Variants in LTBP1 observed in about 807,000 individuals in gnomAD.
The protein encoded by LTBP1 is latent-transforming growth factor beta-binding protein 1.
A neutral mutation model predicts 207.6 loss-of-function variants in LTBP1; 129 were observed. The ratio of observed to expected loss-of-function variants is 0.62; its 90% CI spans 0.54 to 0.72. LTBP1 has a LOEUF of 0.72. LTBP1 is among the 30% of genes least tolerant of loss of function. LTBP1 has a pLI of 0.00. For missense variants in LTBP1, 2,281 were observed against 2,217.2 expected, an observed-to-expected ratio of 1.03 and a Z score of -0.58; for synonymous variants, 963 against 833.7, an observed-to-expected ratio of 1.16 and a Z score of -2.67.
chr2:33,223,448 A>C (rs1475902232), intron 9 of LTBP1, among the ~76,000 whole-genome samples: 1 of 152,182 alleles, frequency 6.6e-6, no homozygotes, highest in Non-Finnish European at 1.5e-5. Flanking sequence ...CACCCATGAC[A>C]CATTTTGAGA....
Position 33,275,052 on chromosome 2 carries a change from C to A in LTBP1, c.2831C>A (p.Ala944Glu). The A allele has an allele frequency of 1.2e-6, 2 of 1,614,110 alleles. No homozygotes were observed. Among genetic ancestry groups the A allele is most frequent in the Admixed American group, 1.7e-5 (1 of 60,018 alleles). The change falls in exon 17 of 34, where the codon GCA (alanine) becomes GAA (glutamate). Residue 944 changes from alanine to glutamate, a missense_variant. By Grantham distance (107) the Ala-to-Glu change is moderately radical. Around this residue, in one of 3 missense-constraint regions of LTBP1, gnomAD observed 1,671 missense variants for 1,634.8 expected, o/e 1.02. Coordinates refer to ENST00000404816, the MANE Select transcript of LTBP1 (RefSeq NM_206943.4). ...TEGSFLCICP[A>E]GFMASEEGTN... ...GGAAGTTTCTTGTGCATTTGCCCAGCAGGATTTATGGCCAGTGAGGAGGGT... is the reference window on the plus strand; with the variant it reads ...GGAAGTTTCTTGTGCATTTGCCCAGAAGGATTTATGGCCAGTGAGGAGGGT...
chr2:33,080,411 A>G (rs1197794423), intron 3 of LTBP1, among the ~76,000 whole-genome samples: 1 of 152,050 alleles, frequency 6.6e-6, no homozygotes, highest in Non-Finnish European at 1.5e-5. Context: ...TAAATCTTCT[A>G]TGTCTTTATC....
At chr2:33,323,646 A>G (rs2094387803) in intron 24 of LTBP1, among the ~76,000 whole-genome samples, 1 of 151,804 alleles carries the variant, frequency 6.6e-6, no homozygotes, top group Non-Finnish European at 1.5e-5. Context: ...ACAAACAAAC[A>G]AAAAATCATA....
chr2:33,302,487 T>C (rs2094004237), intron 22 of LTBP1, among the ~76,000 whole-genome samples: 1 of 152,182 alleles, frequency 6.6e-6, no homozygotes, highest in Non-Finnish European at 1.5e-5. Context: ...CAGATCCTTT[T>C]TCACTACCAG....
chr2:33,187,890 CAG>C (rs942907103), intron 6 of LTBP1, among the ~76,000 whole-genome samples: 10 of 152,004 alleles, frequency 6.6e-5, no homozygotes, highest in African/African-American at 2.2e-4. Context: ...ATTTTTATGA[CAG>C]AAATTTTATG....
intron 15 of LTBP1, among the ~76,000 whole-genome samples, chr2:33,269,263 GC>G: frequency 6.6e-6 from 1 of 152,100 alleles, no homozygotes. Context: ...TCTACCATTG[GC>G]CTTGTTGCTG....
At chr2:33,302,950 TAC>T (rs70938396) in intron 22 of LTBP1, among the ~76,000 whole-genome samples, 30,715 of 144,432 alleles carry the variant, frequency 0.21, 3,285 homozygotes, top group Non-Finnish European at 0.24. Flanking sequence ...CTAATATTTT[TAC>T]ACACACACAC....
chr2:33,095,969 A>T (rs1193966988), intron 3 of LTBP1, among the ~76,000 whole-genome samples: 1 of 152,130 alleles, frequency 6.6e-6, no homozygotes, highest in African/African-American at 2.4e-5. Context: ...ATGTTTAAAG[A>T]GATAGTATTA....
chr2:33,070,794 A>G (rs946254309), intron 3 of LTBP1, among the ~76,000 whole-genome samples: 5 of 152,210 alleles, frequency 3.3e-5, no homozygotes, highest in Non-Finnish European at 7.3e-5. Context: ...AGGAGACCCC[A>G]GTAGAGAAGG....
At chr2:33,332,154 A>G (rs1489812687) in intron 24 of LTBP1, among the ~76,000 whole-genome samples, 1 of 152,102 alleles carries the variant, frequency 6.6e-6, no homozygotes, top group Non-Finnish European at 1.5e-5. Context: ...GGTGGAATAT[A>G]TATTTATACA....
At chr2:33,336,203 G>A (rs1453851296) in intron 24 of LTBP1, among the ~76,000 whole-genome samples, 1 of 152,220 alleles carries the variant, frequency 6.6e-6, no homozygotes, top group Non-Finnish European at 1.5e-5. Flanking sequence ...GTAACAGATG[G>A]TGTGTTCTGA....
chr2:33,004,053 C>T (rs964331498), intron 2 of LTBP1, among the ~76,000 whole-genome samples: 1 of 152,034 alleles, frequency 6.6e-6, no homozygotes, highest in Non-Finnish European at 1.5e-5. Context: ...TCCCTGAATA[C>T]ACTCACATGG....
At chr2:33,148,021 C>G (rs978774284) in intron 5 of LTBP1, among the ~76,000 whole-genome samples, 2 of 152,198 alleles carry the variant, frequency 1.3e-5, no homozygotes, top group Non-Finnish European at 1.5e-5. Context: ...AATCCCATAA[C>G]AGGAGTTCAA....
intron 3 of LTBP1, among the ~76,000 whole-genome samples, chr2:33,106,542 A>G (rs1283622967): frequency 6.6e-6 from 1 of 152,230 alleles, no homozygotes; most frequent in East Asian, 1.9e-4. Context: ...TTTTTTATAC[A>G]TCTCATTCAG....
intron 2 of LTBP1, among the ~76,000 whole-genome samples, chr2:32,957,735 G>A (rs1678321091): frequency 1.3e-5 from 2 of 152,170 alleles, no homozygotes; most frequent in South Asian, 4.2e-4. Context: ...TGCATGCAAG[G>A]TTGTTACAAA....
At chr2:33,158,163 AAAGAGAGAG>A (rs1309473317) in intron 5 of LTBP1, among the ~76,000 whole-genome samples, 1 of 141,486 alleles carries the variant, frequency 7.1e-6, no homozygotes, top group Non-Finnish European at 1.6e-5. Context: ...AAAAAAAAAA[AAAGAGAGAG>A]AGAGAGAATA....
At chr2:33,220,748 A>G (rs942863191) in intron 8 of LTBP1, among the ~76,000 whole-genome samples, 1 of 152,234 alleles carries the variant, frequency 6.6e-6, no homozygotes, top group South Asian at 2.1e-4. Flanking sequence ...TCTATGGGAC[A>G]AGACAGACCT....
intron 26 of LTBP1, among the ~76,000 whole-genome samples, chr2:33,349,726 T>G (rs1014284755): frequency 1.8e-4 from 28 of 152,352 alleles, no homozygotes; most frequent in African/African-American, 6.3e-4. Flanking sequence ...CTTTATCTAA[T>G]CTTTCTAAAG....
At chr2:33,212,423 A>G (rs564743958) in intron 7 of LTBP1, among the ~76,000 whole-genome samples, 1 of 152,334 alleles carries the variant, frequency 6.6e-6, no homozygotes, top group African/African-American at 2.4e-5. Context: ...CAGTCCTATT[A>G]TAGATGTGAG....
Sources: gnomAD v4.1 joint callset for allele counts (sites outside exome capture counted in the v4.1 genomes callset) on GRCh38, gnomAD v4.1.1 for gene constraint, gnomAD v4.1.1 regional missense constraint, MANE v1.5 for transcripts, NCBI Gene and HGNC (gene_info 2026-07-23, HGNC 2026-07-21) for gene names.